The following CDKL4 variants were observed in gnomAD, a reference collection of about 807,000 sequenced individuals.
CDKL4 encodes cyclin-dependent kinase-like 4.
CDKL4 carries 44 observed loss-of-function variants against 42.0 expected under a neutral mutation model. The observed-to-expected ratio is 1.05, with a 90% CI of 0.82 to 1.35. The LOEUF (loss-of-function observed/expected upper bound fraction) is 1.35, where lower values mean the gene tolerates loss of function less well. Ranked by LOEUF, CDKL4 falls within the 40% of genes most tolerant of loss-of-function variation. The probability of loss-of-function intolerance (pLI) is 0.00; values close to 1 mark genes in which losing one functional copy is unlikely to be tolerated. For missense variants in CDKL4, 393 were observed against 369.9 expected, an observed-to-expected ratio of 1.06 and a Z score of -0.51; for synonymous variants, 120 against 121.6, an observed-to-expected ratio of 0.99 and a Z score of 0.09.
chr2:39,168,599 G>A, the CDKL4 span, among the ~76,000 whole-genome samples: 5 of 151,678 alleles, frequency 3.3e-5, no homozygotes, highest in African/African-American at 1.2e-4. Flanking sequence ...GCTGGGTGTG[G>A]TGGCTCATAT....
At chr2:39,190,858 C>A (rs963399223) in intron 5 of CDKL4, among the ~76,000 whole-genome samples, 2 of 152,070 alleles carry the variant, frequency 1.3e-5, no homozygotes, top group African/African-American at 2.4e-5. Flanking sequence ...TGTGTCCCCT[C>A]CAAAGATAGG....
At chr2:39,206,631 T>C (rs753425711) in intron 4 of CDKL4, among the ~76,000 whole-genome samples, 1 of 151,994 alleles carries the variant, frequency 6.6e-6, no homozygotes, top group South Asian at 2.1e-4. Context: ...AAAAAGAAAA[T>C]GGATGAAAAT....
intron 1 of CDKL4, among the ~76,000 whole-genome samples, chr2:39,235,870 G>T (rs1225175667): frequency 3.3e-5 from 5 of 151,588 alleles, no homozygotes; most frequent in Admixed American, 1.3e-4. Flanking sequence ...TTAGGAGGAA[G>T]TAGGAAAGAA....
At chr2:39,178,328 A>G (rs140188444) in intron 9 of CDKL4, among the ~76,000 whole-genome samples, 8 of 152,340 alleles carry the variant, frequency 5.3e-5, no homozygotes, top group Non-Finnish European at 1.0e-4. Context: ...ATGACTGAAA[A>G]TTAGATTGAA....
chr2:39,226,166 T>C (rs1395780058), intron 2 of CDKL4, among the ~76,000 whole-genome samples: 1 of 151,986 alleles, frequency 6.6e-6, no homozygotes, highest in African/African-American at 2.4e-5. Flanking sequence ...AAAAACACTT[T>C]ATGTATTTTA....
Position 39,230,947 on chromosome 2 carries a change from C to A in CDKL4, c.-56-1359G>T, listed in dbSNP as rs937015060. On this transcript the variant is annotated intron_variant, in intron 1 of 9. Coordinates refer to ENST00000451199, the Ensembl canonical transcript of CDKL4. ...TAATTCAGCCAGGCATAGTGGCTCA[C>A]ACTTGTAATCCCAGAACTCTGGGAG... Among the ~76,000 whole-genome samples, 6 of 152,296 alleles carry A rather than the reference C, an allele frequency of 3.9e-5. No individual in the cohort carries two copies. The East Asian group carries it at 9.7e-4, about 25-fold the overall frequency.
chr2:39,201,952 C>G (rs1025737238), intron 5 of CDKL4, among the ~76,000 whole-genome samples: 2 of 152,120 alleles, frequency 1.3e-5, no homozygotes, highest in Non-Finnish European at 2.9e-5. Context: ...ATTCACATAG[C>G]CAGGTGTGGT....
At chr2:39,207,097 A>G (rs1234558871) in intron 4 of CDKL4, among the ~76,000 whole-genome samples, 1 of 152,192 alleles carries the variant, frequency 6.6e-6, no homozygotes, top group Non-Finnish European at 1.5e-5. Context: ...ATTAAAAAAA[A>G]TACACAGGCT....
chr2:39,226,456 T>TTATATATATTATATATATATTA (rs1553393160), intron 2 of CDKL4, among the ~76,000 whole-genome samples: 217 of 137,408 alleles, frequency 1.6e-3, no homozygotes, highest in Non-Finnish European at 2.9e-3. Context: ...TATATATATA[T>TTATATATATTATATATATATTA]TATATATATT....
At chr2:39,238,476 T>C (rs1024679467) in intron 1 of CDKL4, among the ~76,000 whole-genome samples, 1 of 152,126 alleles carries the variant, frequency 6.6e-6, no homozygotes, top group South Asian at 2.1e-4. Flanking sequence ...TAATTCCTTA[T>C]ACAAATTCCA....
chr2:39,192,599 T>A (rs1412529636), intron 5 of CDKL4, among the ~76,000 whole-genome samples: 2 of 151,976 alleles, frequency 1.3e-5, no homozygotes, highest in African/African-American at 4.8e-5. Flanking sequence ...TACAAGTACT[T>A]TTGATCATAC....
chr2:39,183,225 A>G (rs1675541873), intron 8 of CDKL4, among the ~76,000 whole-genome samples: 1 of 151,820 alleles, frequency 6.6e-6, no homozygotes, highest in South Asian at 2.1e-4. Flanking sequence ...GGTTACAGTG[A>G]GCGGAGAACT....
intron 5 of CDKL4, among the ~76,000 whole-genome samples, chr2:39,192,692 G>C (rs574399827): frequency 7.2e-5 from 11 of 152,074 alleles, no homozygotes; most frequent in Non-Finnish European, 1.5e-4. Flanking sequence ...CTAAACTTGA[G>C]TTTAATGGCT....
At chr2:39,190,998 C>G (rs1676148532) in intron 5 of CDKL4, among the ~76,000 whole-genome samples, 1 of 152,130 alleles carries the variant, frequency 6.6e-6, no homozygotes, top group South Asian at 2.1e-4. Context: ...GACTTGAATC[C>G]TTACAGGGAT....
At chr2:39,212,206 G>C (rs1166970847) in intron 4 of CDKL4, among the ~76,000 whole-genome samples, 1 of 151,908 alleles carries the variant, frequency 6.6e-6, no homozygotes, top group Non-Finnish European at 1.5e-5. Flanking sequence ...GCTCAAGCTT[G>C]AGAACTACGG....
At chr2:39,228,619 G>C (rs776843223) in intron 2 of CDKL4, among the ~76,000 whole-genome samples, 28 of 152,004 alleles carry the variant, frequency 1.8e-4, no homozygotes, top group Admixed American at 5.2e-4. Flanking sequence ...GCAGAATCTC[G>C]GGCCCACCCC....
At chr2:39,236,655 C>G (rs1454800539) in intron 1 of CDKL4, among the ~76,000 whole-genome samples, 2 of 151,714 alleles carry the variant, frequency 1.3e-5, no homozygotes, top group East Asian at 3.9e-4. Context: ...TTGAAAAGAT[C>G]AACAAAAGTG....
exon 2 of CDKL4, chr2:39,229,379 T>G: frequency 6.3e-7 from 1 of 1,597,894 alleles, no homozygotes; most frequent in Non-Finnish European, 8.5e-7. Context: ...AACATACGTA[T>G]TTCTCTTAGT....
intron 4 of CDKL4, among the ~76,000 whole-genome samples, chr2:39,206,382 C>A (rs988632993): frequency 6.6e-6 from 1 of 152,144 alleles, no homozygotes; most frequent in Non-Finnish European, 1.5e-5. Context: ...GCGCCTGGAC[C>A]CAGCTGTTCT....
Sources: gnomAD v4.1 joint callset for allele counts (sites outside exome capture counted in the v4.1 genomes callset) on GRCh38, gnomAD v4.1.1 for gene constraint, MANE v1.5 for transcripts, NCBI Gene and HGNC (gene_info 2026-07-23, HGNC 2026-07-21) for gene names.